Variants in WDR26 observed in about 807,000 individuals in gnomAD.
WDR26 encodes WD repeat domain 26.
Under a neutral mutation model 84.1 loss-of-function variants are expected in WDR26, and 5 were observed. The observed-to-expected ratio is 0.06, with a 90% CI of 0.03 to 0.13. The LOEUF (loss-of-function observed/expected upper bound fraction) is 0.13. Ranked by LOEUF, WDR26 falls within the 10% of genes least tolerant of loss-of-function variation. The probability of loss-of-function intolerance (pLI) is 1.00; values close to 1 mark genes in which losing one functional copy is unlikely to be tolerated. For synonymous variants in WDR26, 415 were observed against 389.6 expected, an observed-to-expected ratio of 1.07 and a Z score of -0.77; for missense variants, 642 against 974.9, an observed-to-expected ratio of 0.66 and a Z score of 4.55.
At chr1:224,422,311 CAG>C in intron 4 of WDR26, among the ~76,000 whole-genome samples, 1 of 152,282 alleles carries the variant, frequency 6.6e-6, no homozygotes, top group Non-Finnish European at 1.5e-5. Context: ...TGGCCTTGCA[CAG>C]AGATTTTGGG....
rs1384118181 is a variant in WDR26 at position 224,389,639 on chromosome 1, C to A, written c.*196G>T. On this transcript the variant is annotated 3_prime_UTR_variant, in exon 14 of 14. Coordinates refer to ENST00000414423, the MANE Select transcript of WDR26 (RefSeq NM_001379403.1). ...AACATGGTGTCCAACAACGTTCTAACGACGTGCTTCATCTCAACTGGTTAC... is the reference window on the plus strand; with the variant it reads ...AACATGGTGTCCAACAACGTTCTAAAGACGTGCTTCATCTCAACTGGTTAC... The A allele has an allele frequency of 1.6e-6, 1 of 630,508 alleles. No individual in the cohort carries two copies. The highest frequency in any genetic ancestry group is 2.8e-6 in the Non-Finnish European group (1 of 359,992). 39.1% of individuals were successfully genotyped at this position (630,508 alleles called of 1,614,324 possible).
chr1:224,420,120 C>T (rs532393288), intron 4 of WDR26, among the ~76,000 whole-genome samples: 53 of 152,292 alleles, frequency 3.5e-4, no homozygotes, highest in African/African-American at 1.1e-3. Flanking sequence ...AACATATCTT[C>T]AAGACTTTAT....
rs944029819 is a variant in WDR26, at chr1:224,433,667, C to A, written c.722+17G>T. On this transcript the variant is annotated intron_variant, in intron 1 of 13. Transcript: ENST00000414423. ...CCTCGGTCTGTCCATCACCAGCTGG[C>A]GGTAAGGGATACTTACTTGAGCCCT... 1 of 1,462,456 alleles carries A rather than the reference C, an allele frequency of 6.8e-7. No individual in the cohort carries two copies. The highest frequency in any genetic ancestry group is 1.4e-5 in the South Asian group (1 of 73,824). 90.6% of individuals were successfully genotyped at this position (1,462,456 alleles called of 1,614,324 possible).
chr1:224,401,671 C>CAAAAAAAAAAAAAA (rs767368281), intron 8 of WDR26, among the ~76,000 whole-genome samples: 43 of 49,628 alleles, frequency 8.7e-4, no homozygotes, highest in African/African-American at 2.0e-3. Context: ...GAGACTGTCT[C>CAAAAAAAAAAAAAA]AAAAAAAAAA....
intron 7 of WDR26, among the ~76,000 whole-genome samples, chr1:224,411,226 G>A (rs1673727518): frequency 6.6e-6 from 1 of 151,990 alleles, no homozygotes; most frequent in Non-Finnish European, 1.5e-5. Flanking sequence ...TAACATTATT[G>A]TTAGCACATA....
At chr1:224,394,698 G>A (rs754605160) in intron 12 of WDR26, among the ~76,000 whole-genome samples, 16 of 151,928 alleles carry the variant, frequency 1.1e-4, no homozygotes, top group South Asian at 2.1e-4. Flanking sequence ...TAGAGATGGG[G>A]TTTAGCCACG....
At position 224,386,107 on chromosome 1, in the gene WDR26, TAAC is replaced by T. The variant is rs1208537554; in HGVS notation, c.*3725_*3727del. 1.3e-5 allele frequency: 2 copies of T among 152,600 alleles called. No individual in the cohort carries two copies. The highest frequency in any genetic ancestry group is 2.9e-5 in the Non-Finnish European group (2 of 68,012). The allele number at this position is 152,600 out of a possible 1,614,324, so 9.5% of individuals were successfully genotyped here. On this transcript the variant is annotated 3_prime_UTR_variant, in exon 14 of 14. Transcript: ENST00000414423. ...TAGGGCAGCTACTATAACAATAGCT[TAAC>T]AACACTGAAAAATTTCAATTAAGTT...
In WDR26 at chr1:224,434,070, A is replaced by T. The variant is rs1295436811; in HGVS notation, c.336T>A (p.Gly112=). The stretch of plus-strand genomic sequence containing the variant: ...CTCCTCCTCCACCGCCGCCGCCGCC[A>T]CCTCCTCCTCCTCCTCCTGCCCCAT... Residue 112 remains glycine (G), a synonymous_variant, in exon 1 of 14, where the codon GGT becomes GGA. Coordinates refer to ENST00000414423, the MANE Select transcript of WDR26 (RefSeq NM_001379403.1). 8 of 1,440,186 alleles carry T rather than the reference A, an allele frequency of 5.6e-6. No individual in the cohort carries two copies. In the South Asian group the frequency reaches 5.7e-5, roughly 10 times the overall value. 89.2% of individuals were successfully genotyped at this position (1,440,186 alleles called of 1,614,324 possible). A position where few individuals can be genotyped will look rare whatever the true frequency, so the allele number is the denominator to read the frequency against.
At position 224,413,397 on chromosome 1, in the gene WDR26, T is replaced by C. The variant is rs1337799597; in HGVS notation, c.1320-1832A>G. The stretch of plus-strand genomic sequence containing the variant: ...TCTTTATTTGGTACACATGGCAATC[T>C]ACCTTAGCAGATGGGTATTTGCAGG... On this transcript the variant is annotated intron_variant, in intron 6 of 13. Transcript: ENST00000414423. The C allele has an allele frequency of 9.2e-6, 8 of 871,818 alleles. No homozygotes were observed. The African/African-American group carries it at 1.2e-4, about 13-fold the overall frequency. 54.0% of individuals were successfully genotyped at this position (871,818 alleles called of 1,614,324 possible).
At chr1:224,430,039 A>G (rs1431172793) in intron 3 of WDR26, 1 of 152,248 alleles carries the variant, frequency 6.6e-6, no homozygotes, top group African/African-American at 2.4e-5. Context: ...CCAATGGGAA[A>G]GCAACCTTAA....
At chr1:224,394,373 T>C (rs1420222300) in intron 12 of WDR26, among the ~76,000 whole-genome samples, 1 of 152,200 alleles carries the variant, frequency 6.6e-6, no homozygotes, top group Non-Finnish European at 1.5e-5. Flanking sequence ...TGTATCCAAA[T>C]TGAATACTGA....
intron 3 of WDR26, among the ~76,000 whole-genome samples, chr1:224,425,960 C>T (rs371876319): frequency 9.2e-5 from 14 of 152,002 alleles, no homozygotes; most frequent in African/African-American, 2.9e-4. Context: ...TGGGTTCACG[C>T]GATTCTCCTG....
Position 224,432,209 on chromosome 1 carries a change from T to C in WDR26, c.723-428A>G, listed in dbSNP as rs115561810. ...TAAGAGCTTATATATCCAGGTATTA[T>C]ATTGCATAGAAATTCTACTAGGTCA... is the stretch of plus-strand genomic sequence containing the variant. On this transcript the variant is annotated intron_variant, in intron 1 of 13. Coordinates refer to ENST00000414423, the MANE Select transcript of WDR26 (RefSeq NM_001379403.1). 4.1e-3 allele frequency among the ~76,000 whole-genome samples: 620 copies of C among 152,350 alleles called. 10 individuals are homozygous for C. The highest frequency in any genetic ancestry group is 0.014 in the African/African-American group (581 of 41,566).
Position 224,419,393 on chromosome 1 carries a change from T to TA in WDR26, c.1162+124_1162+125insT, listed in dbSNP as rs764293430. The TA allele has an allele frequency of 3.8e-4, 280 of 741,780 alleles. 1 individual carries two copies. Among genetic ancestry groups the TA allele is most frequent in the South Asian group, 1.9e-3 (115 of 59,210 alleles). The allele number at this position is 741,780 out of a possible 1,614,324, so 45.9% of individuals were successfully genotyped here. On this transcript the variant is annotated intron_variant, in intron 5 of 13. Coordinates refer to ENST00000414423, the MANE Select transcript of WDR26 (RefSeq NM_001379403.1). The stretch of plus-strand genomic sequence containing the variant: ...CATGACAGAGTCTGAAAAACTGGAT[T>TA]CTCCCTCTTCTAAGCACTCAATAAA...
intron 4 of WDR26, among the ~76,000 whole-genome samples, chr1:224,422,362 G>A (rs1674089193): frequency 6.6e-6 from 1 of 152,218 alleles, no homozygotes; most frequent in Admixed American, 6.5e-5. Context: ...AGGGAGTAAA[G>A]ACTTCATTTA....
At chr1:224,424,705 A>T (rs749436833) in intron 3 of WDR26, 51 bp from the exon 4 acceptor site, 2 of 1,612,882 alleles carry the variant, frequency 1.2e-6, no homozygotes, top group Admixed American at 3.3e-5. Flanking sequence ...TGGAAGTTTC[A>T]GAAAATGTTT....
chr1:224,432,542 A>C (rs1365711411), intron 1 of WDR26, among the ~76,000 whole-genome samples: 1 of 152,208 alleles, frequency 6.6e-6, no homozygotes, highest in Non-Finnish European at 1.5e-5. Flanking sequence ...TTCATTTATC[A>C]GTCTATTTTT....
chr1:224,418,669 A>T (rs954158962), intron 5 of WDR26, among the ~76,000 whole-genome samples: 1 of 152,150 alleles, frequency 6.6e-6, no homozygotes, highest in Non-Finnish European at 1.5e-5. Flanking sequence ...GGCAGGGAGG[A>T]TAAGTGAGGA....
intron 12 of WDR26, among the ~76,000 whole-genome samples, chr1:224,394,826 G>T (rs1673217360): frequency 6.6e-6 from 1 of 152,144 alleles, no homozygotes; most frequent in Admixed American, 6.5e-5. Flanking sequence ...TTGAAACATA[G>T]GTTATGGTTA....
Sources: gnomAD v4.1 joint callset for allele counts (sites outside exome capture counted in the v4.1 genomes callset) on GRCh38, gnomAD v4.1.1 for gene constraint, MANE v1.5 for transcripts, NCBI Gene and HGNC (gene_info 2026-07-23, HGNC 2026-07-21) for gene names.